Variants in LAMA1 observed in about 807,000 individuals in gnomAD.
LAMA1 encodes laminin subunit alpha 1.
In LAMA1, 219 loss-of-function variants were observed where a neutral mutation model predicts 348.7. The observed-to-expected ratio is 0.63, with a 90% CI of 0.56 to 0.70. The LOEUF is 0.70. LAMA1 is among the 30% of genes least tolerant of loss of function. The probability of loss-of-function intolerance (pLI) is 0.00; values close to 1 mark genes in which losing one functional copy is unlikely to be tolerated. For missense variants in LAMA1, 3,744 were observed against 3,888.0 expected (o/e 0.96, Z 0.99); for synonymous variants, 1,487 against 1,491.0 (o/e 1.00, Z 0.06).
intron 37 of LAMA1, among the ~76,000 whole-genome samples, 181 bp from the exon 38 acceptor site, chr18:6,985,824 T>A (rs1020756388): frequency 1.3e-5 from 2 of 152,228 alleles, no homozygotes; most frequent in Admixed American, 6.5e-5. Context: ...GGTGGCATGA[T>A]CTCGGCTCAC....
intron 3 of LAMA1, among the ~76,000 whole-genome samples, chr18:7,052,883 T>C (rs979478722): frequency 1.3e-5 from 2 of 151,096 alleles, no homozygotes; most frequent in African/African-American, 2.4e-5. Context: ...TATCCAGGTA[T>C]GGTGGTGCAT....
chr18:7,043,146 A>G (rs112848362), intron 8 of LAMA1, 81 bp downstream of exon 8: 68,944 of 1,353,994 alleles, frequency 0.051, 2,388 homozygotes, highest in Middle Eastern at 0.13. Flanking sequence ...AGTCTCCAAT[A>G]CAGAGGTTAA....
At chr18:6,998,580 C>T (rs942276544) in intron 32 of LAMA1, among the ~76,000 whole-genome samples, 1 of 152,120 alleles carries the variant, frequency 6.6e-6, no homozygotes, top group African/African-American at 2.4e-5. Context: ...GGTGTTTGTG[C>T]TTATAACCCA....
intron 3 of LAMA1, among the ~76,000 whole-genome samples, chr18:7,068,101 C>T (rs964716820): frequency 2.9e-4 from 44 of 152,202 alleles, no homozygotes; most frequent in African/African-American, 9.9e-4. Context: ...AATCCACCTG[C>T]CTCGGCTTCC....
chr18:6,979,765 G>A (rs1319777183), intron 42 of LAMA1, among the ~76,000 whole-genome samples: 1 of 151,838 alleles, frequency 6.6e-6, no homozygotes. Context: ...CGGGGACGGT[G>A]GCGGGCGCCT....
intron 16 of LAMA1, among the ~76,000 whole-genome samples, 187 bp downstream of exon 16, chr18:7,031,879 C>CAAA (rs141608614): frequency 1.0e-4 from 9 of 89,516 alleles, no homozygotes; most frequent in African/African-American, 4.0e-4. Flanking sequence ...TAACTTTTTT[C>CAAA]AAAAAAAAAA....
At chr18:7,028,788 G>A (rs535324901) in intron 16 of LAMA1, among the ~76,000 whole-genome samples, 5 of 152,324 alleles carry the variant, frequency 3.3e-5, no homozygotes, top group African/African-American at 1.2e-4. Flanking sequence ...AAGGGGAGGG[G>A]TGCGGAGGTC....
At chr18:7,027,933 A>T (rs2057951948) in intron 16 of LAMA1, among the ~76,000 whole-genome samples, 1 of 152,058 alleles carries the variant, frequency 6.6e-6, no homozygotes, top group Non-Finnish European at 1.5e-5. Flanking sequence ...ACAGAGAGAG[A>T]CTCCATCTCA....
chr18:7,026,085 C>T lies in LAMA1; in HGVS notation c.2296G>A (p.Gly766Ser), dbSNP rs575091797. The T allele has an allele frequency of 1.3e-5, 21 of 1,611,222 alleles. No individual in the cohort carries two copies. In the South Asian group the frequency reaches 1.3e-4, roughly 10 times the overall value. The part of the protein sequence containing the change: ...VCIACAHNTT[G>S]VHCEQCLPGF... ...GGCAAGCACTGCTCACAGTGGACGC[C>T]GGTGGTGTTGTGCGCACACGCCTAG... Residue 766 changes from glycine to serine, a missense_variant, in exon 17 of 63, where the codon GGC (glycine) becomes AGC (serine). Physicochemically the swap from Gly to Ser is moderately conservative, Grantham distance 56. Around this residue, in one of 3 missense-constraint regions of LAMA1, gnomAD observed 1,529 missense variants for 1,689.4 expected, o/e 0.91. Coordinates refer to ENST00000389658, the MANE Select transcript of LAMA1 (RefSeq NM_005559.4).
At position 7,084,074 on chromosome 18, in the gene LAMA1, G is replaced by GAAAAA. The variant is rs35419107; in HGVS notation, c.62-3622_62-3618dup. On this transcript the variant is annotated intron_variant, in intron 1 of 62. Transcript: ENST00000389658. Reference sequence around the variant, plus strand: ...GGCAACAGAGTGAGATTCTGTCTCAGAAAAAAAAAAAAAAAAAAAAAAAAA... The same window carrying GAAAAA: ...GGCAACAGAGTGAGATTCTGTCTCAGAAAAAAAAAAAAAAAAAAAAAAAAAAAAAA... Among the ~76,000 whole-genome samples the GAAAAA allele has an allele frequency of 5.7e-3, 282 of 49,702 alleles. 7 individuals carry two copies. The highest frequency in any genetic ancestry group is 0.018 in the African/African-American group (270 of 15,234). 32.6% of individuals were successfully genotyped at this position (49,702 alleles called of 152,430 possible).
At chr18:7,010,058 C>T (rs777867748) in intron 26 of LAMA1, 142 bp downstream of exon 26, 11 of 862,996 alleles carry the variant, frequency 1.3e-5, no homozygotes, top group African/African-American at 3.3e-5. Context: ...CCACCCACCT[C>T]GGCTTCTCAA....
intron 1 of LAMA1, among the ~76,000 whole-genome samples, chr18:7,083,187 A>ATG (rs1161905351): frequency 7.3e-6 from 1 of 136,638 alleles, no homozygotes. Flanking sequence ...ATATATATAT[A>ATG]TATACATTTT....
chr18:6,986,240 T>C lies in LAMA1; in HGVS notation c.5276A>G (p.Asn1759Ser), dbSNP rs909385267. Residue 1759 changes from asparagine (N) to serine (S), a missense_variant, in exon 37 of 63, where the codon AAT becomes AGT. By Grantham distance (46) the Asn-to-Ser change is conservative. This residue lies in a region of LAMA1 where 1,983 missense variants were observed against 1,934.3 expected (regional missense o/e 1.03). Coordinates refer to ENST00000389658, the MANE Select transcript of LAMA1 (RefSeq NM_005559.4). ...AASHVLSKHN[N>S]ELKAAEALVR... is the part of the protein sequence containing the mutation. Reference sequence around the variant, plus strand: ...GAGCGCCTCAGCCGCCTTTAGTTCATTGTTGTGCTTTGAAAGGACGTGGCT... The same window carrying C: ...GAGCGCCTCAGCCGCCTTTAGTTCACTGTTGTGCTTTGAAAGGACGTGGCT... 3.1e-6 allele frequency: 5 copies of C among 1,614,062 alleles called. No individual in the cohort carries two copies. Among genetic ancestry groups the C allele is most frequent in the East Asian group, 4.5e-5 (2 of 44,888 alleles).
Position 7,040,177 on chromosome 18 carries a change from A to G in LAMA1, c.1321T>C (p.Cys441Arg), listed in dbSNP as rs558015006. 2.5e-6 allele frequency: 4 copies of G among 1,614,182 alleles called. No individual in the cohort carries two copies. Among genetic ancestry groups the G allele is most frequent in the Non-Finnish European group, 3.4e-6 (4 of 1,180,034 alleles). Residue 441 changes from cysteine to arginine, a missense_variant, in exon 10 of 63, where the codon TGC becomes CGC. Transcript: ENST00000389658. ...GGGTAATCCTTATAGCCAAGTTGGCAGCGATCACATTTTTCTCCTGTATAA... is the reference window on the plus strand; with the variant it reads ...GGGTAATCCTTATAGCCAAGTTGGCGGCGATCACATTTTTCTCCTGTATAA... ...EGYTGEKCDRCQLGYKDYPTC... is the reference protein window; with the variant it reads ...EGYTGEKCDRRQLGYKDYPTC...
intron 12 of LAMA1, 39 bp downstream of exon 12, chr18:7,037,539 C>G (rs780564823): frequency 3.1e-6 from 5 of 1,612,078 alleles, no homozygotes; most frequent in Non-Finnish European, 3.4e-6. Flanking sequence ...TCCCTGAGAT[C>G]TTCATCTGAG....
intron 55 of LAMA1, chr18:6,957,301 G>A (rs576123544): frequency 9.6e-5 from 16 of 166,690 alleles, no homozygotes; most frequent in South Asian, 3.1e-4. Flanking sequence ...CTGCTCTACC[G>A]AGTCCACAAA....
At chr18:6,959,612 A>C in intron 53 of LAMA1, 120 bp from the exon 54 acceptor site, 1 of 1,008,500 alleles carries the variant, frequency 9.9e-7, no homozygotes, top group South Asian at 1.4e-5. Flanking sequence ...CAATTCCTTA[A>C]GAATCTCTTC....
At chr18:7,019,241 G>T (rs537065884) in intron 19 of LAMA1, among the ~76,000 whole-genome samples, 10 of 152,060 alleles carry the variant, frequency 6.6e-5, no homozygotes, top group African/African-American at 2.2e-4. Context: ...AGCAGACTTC[G>T]GTCCCCCTCT....
Position 7,011,358 on chromosome 18 carries a change from T to C in LAMA1, c.3629A>G (p.Gln1210Arg), listed in dbSNP as rs1008078848. 1.2e-6 allele frequency: 2 copies of C among 1,612,156 alleles called. No individual in the cohort carries two copies. The highest frequency in any genetic ancestry group is 1.3e-5 in the African/African-American group (1 of 74,918). ...GTAAAACGGCTCTGCACGGATGTGC[T>C]GCCGGACGGTGGCGGCATCCAGCAG... Reference protein sequence around the residue: ...DFLLDAATVRQHIRAEPFYWR... With the variant: ...DFLLDAATVRRHIRAEPFYWR... Residue 1210 changes from glutamine (Q) to arginine (R), a missense_variant, in exon 25 of 63, where the codon CAG becomes CGG. By Grantham distance (43) the Gln-to-Arg change is conservative. Transcript: ENST00000389658.
Sources: allele counts gnomAD v4.1 joint callset (sites outside exome capture counted in the v4.1 genomes callset), GRCh38; gene constraint gnomAD v4.1.1; regional missense constraint gnomAD v4.1.1; transcripts MANE v1.5; gene names NCBI Gene and HGNC (gene_info 2026-07-23, HGNC 2026-07-21).